The following RNF144A variants were observed in gnomAD, a reference collection of about 807,000 sequenced individuals.
RNF144A encodes ring finger protein 144A.
RNF144A carries 11 observed loss-of-function variants against 38.7 expected under a neutral mutation model. The observed-to-expected ratio is 0.28, with a 90% CI of 0.18 to 0.47. The LOEUF (loss-of-function observed/expected upper bound fraction) is 0.47. Ranked by LOEUF, RNF144A falls within the 20% of genes least tolerant of loss-of-function variation. The probability of loss-of-function intolerance (pLI) is 0.99; values close to 1 mark genes in which losing one functional copy is unlikely to be tolerated. For missense variants in RNF144A, 316 were observed against 377.2 expected, an observed-to-expected ratio of 0.84 and a Z score of 1.34; for synonymous variants, 149 against 143.9, an observed-to-expected ratio of 1.04 and a Z score of -0.25.
chr2:6,986,035 G>A (rs1382334111), intron 2 of RNF144A, among the ~76,000 whole-genome samples: 4 of 152,122 alleles, frequency 2.6e-5, no homozygotes, highest in Admixed American at 2.0e-4. Context: ...TGTGGAAGAG[G>A]CCTCTCACTG....
chr2:6,930,360 ATTTT>A (rs1665128121), intron 1 of RNF144A, among the ~76,000 whole-genome samples: 1 of 151,978 alleles, frequency 6.6e-6, no homozygotes, highest in Non-Finnish European at 1.5e-5. Context: ...CAGTTTTTCT[ATTTT>A]TTTATTTTTC....
intron 2 of RNF144A, among the ~76,000 whole-genome samples, chr2:6,956,657 C>T (rs1244776672): frequency 6.6e-6 from 1 of 152,260 alleles, no homozygotes; most frequent in Admixed American, 6.5e-5. Flanking sequence ...CTGTTAATCT[C>T]AGGTCTGATG....
rs1672980484 is a variant in RNF144A, at chr2:7,040,513, C to T, written c.*753C>T. 1 of 985,276 alleles carries T rather than the reference C, an allele frequency of 1.0e-6. No homozygotes were observed. The highest frequency in any genetic ancestry group is 4.7e-5 in the South Asian group (1 of 21,288). The allele number at this position is 985,276 out of a possible 1,614,324, so 61.0% of individuals were successfully genotyped here. On this transcript the variant is annotated 3_prime_UTR_variant, in exon 9 of 9. Transcript: ENST00000320892. ...CGTGTTTAAAGGAACATCTCATCTCCATTAGATTTGCCTTTTGTTGTTTTC... is the reference window on the plus strand; with the variant it reads ...CGTGTTTAAAGGAACATCTCATCTCTATTAGATTTGCCTTTTGTTGTTTTC...
chr2:6,928,937 A>G (rs1249675315), intron 1 of RNF144A, among the ~76,000 whole-genome samples: 2 of 152,188 alleles, frequency 1.3e-5, no homozygotes, highest in Non-Finnish European at 2.9e-5. Context: ...AGACCCTGTC[A>G]GTTCCCTGAG....
intron 8 of RNF144A, 68 bp downstream of exon 8, chr2:7,030,283 G>A (rs1283908609): frequency 1.1e-6 from 1 of 907,714 alleles, no homozygotes; most frequent in Non-Finnish European, 1.8e-6. Context: ...GTGTGTGTGT[G>A]TGTGTGTGTG....
At chr2:6,937,070 G>A (rs1254948920) in intron 1 of RNF144A, among the ~76,000 whole-genome samples, 1 of 152,120 alleles carries the variant, frequency 6.6e-6, no homozygotes, top group Admixed American at 6.5e-5. Flanking sequence ...CATTCCTGGT[G>A]TTCTATAAAA....
intron 2 of RNF144A, among the ~76,000 whole-genome samples, chr2:6,968,503 T>C (rs1374575560): frequency 6.6e-6 from 1 of 152,196 alleles, no homozygotes; most frequent in Admixed American, 6.5e-5. Context: ...GCTCCAGTAA[T>C]TGAAATGTGT....
chr2:6,986,954 A>G (rs945018417), intron 2 of RNF144A, among the ~76,000 whole-genome samples: 4 of 152,146 alleles, frequency 2.6e-5, no homozygotes, highest in Non-Finnish European at 5.9e-5. Flanking sequence ...ACTCTCTGGT[A>G]GCCGAAGTGT....
chr2:6,963,200 C>T lies in RNF144A; in HGVS notation c.-12+22053C>T, dbSNP rs368212151. On this transcript the variant is annotated intron_variant, in intron 2 of 8. Transcript: ENST00000320892. ...CTCAGGTAACATGAACACTAAATAC[C>T]TGAAAATGTATGTTTGATTTTTACC... Among the ~76,000 whole-genome samples the T allele has an allele frequency of 4.0e-4, 61 of 152,212 alleles. 1 individual carries two copies. The highest frequency in any genetic ancestry group is 3.7e-3 in the South Asian group (18 of 4,826).
intron 2 of RNF144A, among the ~76,000 whole-genome samples, chr2:6,981,768 T>G (rs1668646916): frequency 6.6e-6 from 1 of 152,214 alleles, no homozygotes; most frequent in South Asian, 2.1e-4. Flanking sequence ...CTTCCACATT[T>G]CCAGGTTATC....
At chr2:7,012,590 A>G (rs1670888370) in intron 3 of RNF144A, among the ~76,000 whole-genome samples, 1 of 152,184 alleles carries the variant, frequency 6.6e-6, no homozygotes, top group Non-Finnish European at 1.5e-5. Flanking sequence ...TCATTGTTAC[A>G]ATGGTTCACC....
At chr2:6,947,904 G>A (rs1666441289) in intron 2 of RNF144A, among the ~76,000 whole-genome samples, 1 of 152,220 alleles carries the variant, frequency 6.6e-6, no homozygotes. Flanking sequence ...CTAAGGATCA[G>A]ATGTATTGAA....
intron 2 of RNF144A, among the ~76,000 whole-genome samples, chr2:6,970,177 A>G (rs192721346): frequency 6.6e-5 from 10 of 152,310 alleles, no homozygotes; most frequent in African/African-American, 2.4e-4. Flanking sequence ...TCCTCACCCA[A>G]ATCTCATCTT....
chr2:7,007,261 A>C (rs557646333), intron 3 of RNF144A, among the ~76,000 whole-genome samples: 26 of 152,336 alleles, frequency 1.7e-4, no homozygotes, highest in Middle Eastern at 3.4e-3. Flanking sequence ...AGAGCAAACA[A>C]ATAAAACTTT....
intron 2 of RNF144A, among the ~76,000 whole-genome samples, chr2:6,985,940 C>G (rs1360435586): frequency 7.9e-5 from 12 of 152,306 alleles, no homozygotes; most frequent in African/African-American, 2.4e-4. Context: ...TCCCAAAATG[C>G]TAGGATTACA....
At chr2:7,024,298 A>G (rs1671727021) in intron 6 of RNF144A, 71 bp from the exon 7 acceptor site, 1 of 1,389,024 alleles carries the variant, frequency 7.2e-7, no homozygotes, top group Non-Finnish European at 9.8e-7. Context: ...CGATGCTTCC[A>G]GCATAGCCAG....
chr2:7,038,579 T>C (rs1672830461), intron 8 of RNF144A, among the ~76,000 whole-genome samples: 1 of 151,944 alleles, frequency 6.6e-6, no homozygotes, highest in Non-Finnish European at 1.5e-5. Context: ...GTTTGGGTGT[T>C]TAGATGGAAA....
At chr2:7,002,217 T>A (rs1283667909) in intron 3 of RNF144A, among the ~76,000 whole-genome samples, 2 of 152,188 alleles carry the variant, frequency 1.3e-5, no homozygotes, top group Non-Finnish European at 2.9e-5. Flanking sequence ...ACATAGTGGG[T>A]GCTTTTTTGT....
chr2:7,050,192 C>A (rs1442055885), intron 6 of RNF144A, among the ~76,000 whole-genome samples: 1 of 152,180 alleles, frequency 6.6e-6, no homozygotes, highest in Non-Finnish European at 1.5e-5. Flanking sequence ...ACAATCCCCA[C>A]ACGTCCAGGG....
Sources: gnomAD v4.1 joint callset for allele counts (sites outside exome capture counted in the v4.1 genomes callset) on GRCh38, gnomAD v4.1.1 for gene constraint, MANE v1.5 for transcripts, NCBI Gene and HGNC (gene_info 2026-07-23, HGNC 2026-07-21) for gene names.